Variants in MACROD2 observed in about 807,000 individuals in gnomAD.
The protein encoded by MACROD2 is mono-ADP ribosylhydrolase 2, also known as ADP-ribose glycohydrolase MACROD2.
MACROD2 carries 36 observed loss-of-function variants against 70.4 expected under a neutral mutation model. That is an observed-to-expected ratio of 0.51 (90% confidence interval 0.39 to 0.68). The LOEUF (loss-of-function observed/expected upper bound fraction) is 0.68, where lower values mean the gene tolerates loss of function less well. Ranked by LOEUF, MACROD2 falls within the 30% of genes least tolerant of loss-of-function variation. The pLI, the probability that MACROD2 is intolerant of heterozygous loss-of-function variation, is 0.00. For missense variants in MACROD2, 496 were observed against 538.4 expected (o/e 0.92, Z 0.78); for synonymous variants, 172 against 178.8 (o/e 0.96, Z 0.30).
intron 4 of MACROD2, among the ~76,000 whole-genome samples, chr20:14,608,995 T>G (rs1403592383): frequency 6.6e-6 from 1 of 152,080 alleles, no homozygotes; most frequent in Non-Finnish European, 1.5e-5. Context: ...TACAGAGAAT[T>G]GAAGGACAGG....
intron 5 of MACROD2, among the ~76,000 whole-genome samples, chr20:14,689,893 A>C (rs2071042859): frequency 6.6e-6 from 1 of 152,166 alleles, no homozygotes; most frequent in Non-Finnish European, 1.5e-5. Context: ...TAGTTATTGA[A>C]AGTGTCAAAC....
At chr20:14,053,867 A>G (rs2024556835) in intron 2 of MACROD2, among the ~76,000 whole-genome samples, 2 of 152,136 alleles carry the variant, frequency 1.3e-5, no homozygotes, top group Admixed American at 6.6e-5. Flanking sequence ...ATGTCAAAAT[A>G]AAAATTTTTA....
chr20:14,272,481 G>C (rs1007315128), intron 3 of MACROD2, among the ~76,000 whole-genome samples: 3 of 151,882 alleles, frequency 2.0e-5, no homozygotes, highest in South Asian at 2.1e-4. Flanking sequence ...CCCTAAAAGA[G>C]CTCCTGAAGG....
intron 8 of MACROD2, among the ~76,000 whole-genome samples, chr20:15,854,300 C>T (rs552815221): frequency 4.6e-5 from 7 of 152,194 alleles, no homozygotes; most frequent in Non-Finnish European, 8.8e-5. Flanking sequence ...AAAGAGCGCT[C>T]GTGTCCTGAA....
chr20:15,411,738 A>G (rs1262916594), intron 6 of MACROD2, among the ~76,000 whole-genome samples: 2 of 152,364 alleles, frequency 1.3e-5, no homozygotes, highest in Middle Eastern at 3.4e-3. Context: ...GGGAAAAAGT[A>G]TGACCTACTG....
chr20:14,666,367 C>T (rs1460029030), intron 4 of MACROD2, among the ~76,000 whole-genome samples: 1 of 152,114 alleles, frequency 6.6e-6, no homozygotes, highest in African/African-American at 2.4e-5. Context: ...GGATTAATTT[C>T]TGAAAACATT....
At chr20:15,794,870 G>C (rs992643670) in intron 8 of MACROD2, among the ~76,000 whole-genome samples, 1 of 152,170 alleles carries the variant, frequency 6.6e-6, no homozygotes, top group Non-Finnish European at 1.5e-5. Context: ...GATTAGCTAT[G>C]ATCAGATAGA....
intron 5 of MACROD2, among the ~76,000 whole-genome samples, chr20:15,071,819 A>C (rs955880416): frequency 7.9e-5 from 12 of 152,196 alleles, no homozygotes; most frequent in African/African-American, 2.9e-4. Context: ...CCTAAAATTC[A>C]GAACATAATT....
intron 10 of MACROD2, among the ~76,000 whole-genome samples, chr20:15,914,203 G>A (rs918504180): frequency 6.6e-6 from 1 of 152,214 alleles, no homozygotes; most frequent in Non-Finnish European, 1.5e-5. Context: ...TTCCTGGACA[G>A]AGAATCGGTC....
intron 8 of MACROD2, among the ~76,000 whole-genome samples, chr20:15,550,139 C>A (rs1267839736): frequency 6.6e-6 from 1 of 151,832 alleles, no homozygotes; most frequent in African/African-American, 2.4e-5. Context: ...CTTGTCAGAT[C>A]TCTTTATCAT....
intron 4 of MACROD2, among the ~76,000 whole-genome samples, chr20:14,555,008 TA>T (rs35040976): frequency 0.11 from 16,319 of 150,598 alleles, 1,284 homozygotes; most frequent in South Asian, 0.33. Context: ...GTTAGTGGTA[TA>T]AAAAAAAACA....
chr20:15,455,310 CTGTGTCATCTG>C (rs2046709860), intron 7 of MACROD2, among the ~76,000 whole-genome samples: 1 of 152,178 alleles, frequency 6.6e-6, no homozygotes. Context: ...GGTCCTACCT[CTGTGTCATCTG>C]ATTTAATGGA....
chr20:15,232,704 C>T (rs2076969469), intron 6 of MACROD2, among the ~76,000 whole-genome samples: 1 of 151,818 alleles, frequency 6.6e-6, no homozygotes, highest in Non-Finnish European at 1.5e-5. Flanking sequence ...TTCTGAACAC[C>T]AGAACTCTAG....
intron 5 of MACROD2, among the ~76,000 whole-genome samples, chr20:15,229,732 T>C (rs567602745): frequency 6.6e-6 from 1 of 152,340 alleles, no homozygotes; most frequent in East Asian, 1.9e-4. Flanking sequence ...CTTTTCACAA[T>C]TATCATTTTC....
chr20:15,651,481 T>C (rs1176638504), intron 8 of MACROD2, among the ~76,000 whole-genome samples: 2 of 152,190 alleles, frequency 1.3e-5, no homozygotes, highest in Non-Finnish European at 2.9e-5. Context: ...ACCAGGGTCG[T>C]TGGCAAAAGT....
intron 5 of MACROD2, among the ~76,000 whole-genome samples, chr20:14,760,054 G>A (rs1332688995): frequency 6.6e-6 from 1 of 152,128 alleles, no homozygotes; most frequent in Non-Finnish European, 1.5e-5. Flanking sequence ...GGACATGGGA[G>A]AGATTTTCTG....
intron 8 of MACROD2, among the ~76,000 whole-genome samples, chr20:15,603,294 T>C (rs933980842): frequency 1.3e-5 from 2 of 150,948 alleles, no homozygotes; most frequent in Non-Finnish European, 3.0e-5. Context: ...AGGTCAGGAG[T>C]TCGAGACCAG....
At chr20:14,925,457 A>G (rs1384145628) in intron 5 of MACROD2, among the ~76,000 whole-genome samples, 1 of 152,168 alleles carries the variant, frequency 6.6e-6, no homozygotes, top group Non-Finnish European at 1.5e-5. Context: ...GCATGACTTA[A>G]TCATCAAATT....
chr20:15,908,204 G>T (rs1168650707), intron 10 of MACROD2, among the ~76,000 whole-genome samples: 1 of 152,196 alleles, frequency 6.6e-6, no homozygotes, highest in African/African-American at 2.4e-5. Flanking sequence ...ACCAGTGGAA[G>T]TCATTTAAGG....
Sources: gnomAD v4.1 joint callset for allele counts (sites outside exome capture counted in the v4.1 genomes callset) on GRCh38, gnomAD v4.1.1 for gene constraint, MANE v1.5 for transcripts, NCBI Gene and HGNC (gene_info 2026-07-23, HGNC 2026-07-21) for gene names.